Variants in TOP6BL observed in about 807,000 individuals in gnomAD.
TOP6BL encodes the protein type 2 DNA topoisomerase 6 subunit B-like.
chr11:66,835,306 C>A, the TOP6BL span, among the ~76,000 whole-genome samples: 1 of 150,392 alleles, frequency 6.6e-6, no homozygotes, highest in Non-Finnish European at 1.5e-5. Context: ...TAGAAAATAT[C>A]CTGTTTCTTT....
At chr11:66,749,731 T>TTG in the TOP6BL span, among the ~76,000 whole-genome samples, 39 of 151,968 alleles carry the variant, frequency 2.6e-4, no homozygotes, top group East Asian at 1.2e-3. Context: ...CTGGCTAATT[T>TTG]TGTGTGTGTG....
At chr11:66,827,421 C>T in the TOP6BL span, among the ~76,000 whole-genome samples, 3 of 152,132 alleles carry the variant, frequency 2.0e-5, no homozygotes, top group Non-Finnish European at 4.4e-5. Context: ...TTACCCTGGT[C>T]CCCTTTAATT....
the TOP6BL span, among the ~76,000 whole-genome samples, chr11:66,810,607 C>T: frequency 6.6e-6 from 1 of 152,036 alleles, no homozygotes; most frequent in Non-Finnish European, 1.5e-5. Context: ...AGAAAAGGAG[C>T]AAGTAGGGGA....
At chr11:66,819,658 T>C in the TOP6BL span, among the ~76,000 whole-genome samples, 17 of 151,704 alleles carry the variant, frequency 1.1e-4, no homozygotes, top group Non-Finnish European at 2.2e-4. Context: ...TCCCAGCACT[T>C]TGGGAGGCCG....
chr11:66,825,276 C>T, the TOP6BL span, among the ~76,000 whole-genome samples: 2 of 149,854 alleles, frequency 1.3e-5, no homozygotes, highest in Non-Finnish European at 3.0e-5. Context: ...GTCAGGAGTT[C>T]CAGATCAGCC....
chr11:66,825,095 C>T, the TOP6BL span, among the ~76,000 whole-genome samples: 33 of 151,894 alleles, frequency 2.2e-4, no homozygotes, highest in Non-Finnish European at 4.3e-4. Flanking sequence ...AACTCCCGAC[C>T]TCAGGTGATC....
chr11:66,759,849 C>G, the TOP6BL span, among the ~76,000 whole-genome samples: 1 of 152,232 alleles, frequency 6.6e-6, no homozygotes, highest in East Asian at 1.9e-4. Context: ...TCCCAAAATG[C>G]TGGATTACAG....
chr11:66,759,671 C>G, the TOP6BL span, among the ~76,000 whole-genome samples: 1 of 152,164 alleles, frequency 6.6e-6, no homozygotes, highest in African/African-American at 2.4e-5. Flanking sequence ...GCAACCTCTG[C>G]CTCCTGGGTT....
At chr11:66,790,736 G>A in the TOP6BL span, among the ~76,000 whole-genome samples, 727 of 152,324 alleles carry the variant, frequency 4.8e-3, 3 homozygotes, top group Non-Finnish European at 7.9e-3. Flanking sequence ...CCGTGGCCAT[G>A]GAAATAGGTG....
the TOP6BL span, among the ~76,000 whole-genome samples, chr11:66,802,849 A>C: frequency 1.3e-5 from 2 of 152,204 alleles, no homozygotes; most frequent in Non-Finnish European, 2.9e-5. Context: ...GCTCATCATC[A>C]TAGTTGTACT....
the TOP6BL span, chr11:66,815,888 T>G: frequency 6.8e-6 from 4 of 587,568 alleles, no homozygotes; most frequent in Non-Finnish European, 1.1e-5. Flanking sequence ...TATGATTTGC[T>G]TCCATCATGT....
the TOP6BL span, among the ~76,000 whole-genome samples, chr11:66,779,959 A>G: frequency 5.3e-3 from 765 of 145,242 alleles, 2 homozygotes; most frequent in Non-Finnish European, 9.3e-3. Flanking sequence ...GAATTGAACA[A>G]TGAGAACACA....
At chr11:66,763,035 A>G in the TOP6BL span, among the ~76,000 whole-genome samples, 1 of 152,056 alleles carries the variant, frequency 6.6e-6, no homozygotes, top group South Asian at 2.1e-4. Context: ...TGAGACCCCC[A>G]TCTCTACAAA....
At chr11:66,805,400 A>G in the TOP6BL span, among the ~76,000 whole-genome samples, 1 of 152,018 alleles carries the variant, frequency 6.6e-6, no homozygotes, top group Non-Finnish European at 1.5e-5. Flanking sequence ...GGTTGATGTC[A>G]GATTTCTATT....
At chr11:66,821,773 GA>G in the TOP6BL span, 1 of 1,612,638 alleles carries the variant, frequency 6.2e-7, no homozygotes, top group Non-Finnish European at 8.5e-7. Flanking sequence ...AGGTAATAAG[GA>G]ATTCACAGCC....
chr11:66,815,935 T>G, the TOP6BL span: 1 of 1,024,216 alleles, frequency 9.8e-7, no homozygotes, highest in Non-Finnish European at 1.4e-6. Flanking sequence ...AAATGGGTGT[T>G]CAGATTTAGA....
chr11:66,828,169 C>A, the TOP6BL span: 1 of 753,120 alleles, frequency 1.3e-6, no homozygotes, highest in Non-Finnish European at 2.3e-6. Flanking sequence ...TGCCTACTGT[C>A]TGCCTCCTCA....
At chr11:66,795,755 A>G in the TOP6BL span, 1 of 151,072 alleles carries the variant, frequency 6.6e-6, no homozygotes, top group Non-Finnish European at 1.5e-5. Flanking sequence ...CAGAACCAGT[A>G]CTAGAACACA....
the TOP6BL span, among the ~76,000 whole-genome samples, chr11:66,799,714 G>T: frequency 5.3e-5 from 8 of 149,806 alleles, no homozygotes; most frequent in East Asian, 1.6e-3. Context: ...CTGAAACTCC[G>T]TCTCAAAAAA....
Sources: allele counts gnomAD v4.1 joint callset (sites outside exome capture counted in the v4.1 genomes callset), GRCh38; gene constraint gnomAD v4.1.1; transcripts MANE v1.5; gene names NCBI Gene and HGNC (gene_info 2026-07-23, HGNC 2026-07-21).